GFPT2: variants seen among roughly 807,000 people sequenced by gnomAD.
GFPT2 encodes glutamine--fructose-6-phosphate transaminase 2.
GFPT2 carries 62 observed loss-of-function variants against 85.6 expected under a neutral mutation model. That is an observed-to-expected ratio of 0.72 (90% CI 0.59 to 0.90). GFPT2 has a LOEUF of 0.90. GFPT2 is among the 40% of genes least tolerant of loss of function. The pLI, the probability that GFPT2 is intolerant of heterozygous loss-of-function variation, is 0.00. For missense variants in GFPT2, 788 were observed against 893.4 expected, an observed-to-expected ratio of 0.88 and a Z score of 1.50; for synonymous variants, 368 against 344.5, an observed-to-expected ratio of 1.07 and a Z score of -0.75.
At chr5:180,345,223 G>A (rs951081694) in intron 1 of GFPT2, among the ~76,000 whole-genome samples, 1 of 152,384 alleles carries the variant, frequency 6.6e-6, no homozygotes, top group African/African-American at 2.4e-5. Flanking sequence ...TTTCATCTTG[G>A]CCTTCTGCCT....
chr5:180,329,774 A>G (rs964695174), intron 6 of GFPT2, among the ~76,000 whole-genome samples: 2 of 152,218 alleles, frequency 1.3e-5, no homozygotes, highest in Non-Finnish European at 2.9e-5. Flanking sequence ...ACTGGGTGGC[A>G]CTGCTGTCTG....
At chr5:180,309,326 G>A (rs951808501) in intron 15 of GFPT2, among the ~76,000 whole-genome samples, 2 of 152,158 alleles carry the variant, frequency 1.3e-5, no homozygotes, top group African/African-American at 4.8e-5. Flanking sequence ...TTTTCATTTT[G>A]AGAAAATGTC....
At chr5:180,314,296 G>A (rs1763960320) in intron 13 of GFPT2, among the ~76,000 whole-genome samples, 1 of 152,180 alleles carries the variant, frequency 6.6e-6, no homozygotes, top group East Asian at 1.9e-4. Context: ...AGGTGGGCTT[G>A]GCTCCCAGCG....
At chr5:180,344,722 G>A (rs930127730) in intron 1 of GFPT2, among the ~76,000 whole-genome samples, 1 of 152,176 alleles carries the variant, frequency 6.6e-6, no homozygotes, top group Non-Finnish European at 1.5e-5. Flanking sequence ...GAAGCACCAG[G>A]GCCACAATGG....
At chr5:180,336,036 C>A in intron 3 of GFPT2, 83 bp from the exon 4 acceptor site, 1 of 1,341,890 alleles carries the variant, frequency 7.5e-7, no homozygotes, top group Non-Finnish European at 1.0e-6. Flanking sequence ...TGTCGTTACC[C>A]AAGTCACGTC....
intron 4 of GFPT2, 37 bp from the exon 5 acceptor site, chr5:180,331,590 G>A (rs1244399427): frequency 5.0e-6 from 6 of 1,196,826 alleles, no homozygotes; most frequent in Middle Eastern, 1.9e-4. Context: ...CTATTGAGAA[G>A]GAGGTTCATG....
intron 6 of GFPT2, among the ~76,000 whole-genome samples, chr5:180,329,550 G>C (rs908310872): frequency 6.6e-6 from 1 of 152,220 alleles, no homozygotes; most frequent in Non-Finnish European, 1.5e-5. Flanking sequence ...CATTAAATGT[G>C]GGATAGGCTG....
At position 180,317,207 on chromosome 5, in the gene GFPT2, A is replaced by AG. The variant is rs776907897; in HGVS notation, c.959-150dup. Reference sequence around the variant, plus strand: ...CCTGCCTGACACTCACTACCATCAGAGGGAAGCAGGTCAGGAACCAGGACT... The same window carrying AG: ...CCTGCCTGACACTCACTACCATCAGAGGGGAAGCAGGTCAGGAACCAGGACT... On this transcript the variant is annotated intron_variant, in intron 10 of 18. Transcript: ENST00000253778. The AG allele has an allele frequency of 1.2e-3, 813 of 662,172 alleles. 2 individuals are homozygous for AG. Among genetic ancestry groups the AG allele is most frequent in the Non-Finnish European group, 2.0e-3 (723 of 367,190 alleles). The allele number at this position is 662,172 out of a possible 1,614,324, so 41.0% of individuals were successfully genotyped here. A position where few individuals can be genotyped will look rare whatever the true frequency, so the allele number is the denominator to read the frequency against.
At position 180,319,978 on chromosome 5, in the gene GFPT2, T is replaced by C. The variant is rs534049840; in HGVS notation, c.795-1022A>G. ...ACAAGCTATGCTTACCAAAGAAACATAGGGTCATTGTGTTTATTTATTTAT... is the reference window on the plus strand; with the variant it reads ...ACAAGCTATGCTTACCAAAGAAACACAGGGTCATTGTGTTTATTTATTTAT... On this transcript the variant is annotated intron_variant, in intron 9 of 18. Coordinates refer to ENST00000253778, the MANE Select transcript of GFPT2 (RefSeq NM_005110.4). 1.8e-4 allele frequency among the ~76,000 whole-genome samples: 27 copies of C among 152,068 alleles called. 1 individual carries two copies. In the South Asian group the frequency reaches 3.3e-3, roughly 19 times the overall value.
intron 3 of GFPT2, 149 bp from the exon 4 acceptor site, chr5:180,336,102 C>T: frequency 1.5e-6 from 1 of 651,926 alleles, no homozygotes; most frequent in South Asian, 2.1e-5. Flanking sequence ...CGCGCAGGCC[C>T]ACAAACCACC....
chr5:180,341,863 C>T (rs1333419095), intron 1 of GFPT2, among the ~76,000 whole-genome samples: 2 of 152,184 alleles, frequency 1.3e-5, no homozygotes, highest in East Asian at 3.9e-4. Context: ...AGCCCCCAAA[C>T]ATCTGGGCAT....
At chr5:180,332,855 A>T (rs892961145) in intron 4 of GFPT2, among the ~76,000 whole-genome samples, 7 of 151,978 alleles carry the variant, frequency 4.6e-5, no homozygotes, top group African/African-American at 1.7e-4. Flanking sequence ...ACTATTTTTG[A>T]TCCCTTCTTT....
At chr5:180,332,047 A>C (rs1764312239) in intron 4 of GFPT2, among the ~76,000 whole-genome samples, 1 of 152,246 alleles carries the variant, frequency 6.6e-6, no homozygotes, top group Non-Finnish European at 1.5e-5. Flanking sequence ...CTGAGTGTTC[A>C]CTTTAAAATC....
In GFPT2 at chr5:180,307,146, TGGGGGTGGGGG is replaced by T. The variant is rs1561871601; in HGVS notation, c.1674+19_1674+29del. On this transcript the variant is annotated intron_variant, in intron 16 of 18. Transcript: ENST00000253778. ...CAGGGTCTCCTGTGCCTGTCCTCCGTGGGGGTGGGGGCTGGGGGTGGGGGCTCACCAGGGCT... is the reference window on the plus strand; with the variant it reads ...CAGGGTCTCCTGTGCCTGTCCTCCGTCTGGGGGTGGGGGCTCACCAGGGCT... 1.3e-5 allele frequency: 7 copies of T among 539,512 alleles called. No homozygotes were observed. In the African/African-American group the frequency reaches 1.8e-4, roughly 14 times the overall value. 33.4% of individuals were successfully genotyped at this position (539,512 alleles called of 1,614,324 possible). A position where few individuals can be genotyped will look rare whatever the true frequency, so the allele number is the denominator to read the frequency against.
intron 17 of GFPT2, 145 bp downstream of exon 17, chr5:180,304,627 C>T: frequency 1.3e-6 from 1 of 761,712 alleles, no homozygotes; most frequent in African/African-American, 1.7e-5. Flanking sequence ...GTGTGCACTC[C>T]CCACAGGCGG....
chr5:180,319,335 C>T (rs1044415638), intron 9 of GFPT2, among the ~76,000 whole-genome samples: 1 of 152,146 alleles, frequency 6.6e-6, no homozygotes, highest in Non-Finnish European at 1.5e-5. Flanking sequence ...CTTTTTATAA[C>T]CGGTTTCTTC....
At chr5:180,301,852 A>G (rs1763678305) in intron 18 of GFPT2, among the ~76,000 whole-genome samples, 1 of 152,022 alleles carries the variant, frequency 6.6e-6, no homozygotes, top group Admixed American at 6.6e-5. Context: ...AACATGATTT[A>G]AAGAATAAGG....
chr5:180,330,783 T>A lies in GFPT2; in HGVS notation c.451A>T (p.Lys151Ter). 6.2e-7 allele frequency: 1 copy of A among 1,613,066 alleles called. No homozygotes were observed. The change falls in exon 6 of 19, where the codon AAG becomes TAG. Residue 151 changes from lysine to a stop codon, truncating the protein, a stop_gained. Transcript: ENST00000253778. LOFTEE classifies it high-confidence loss of function. This position sits in a 1 kb window ranked among gnomAD's most constrained non-coding sequence, Gnocchi z 4.4. ...ESETDTETIA[K>*]LIKYVFDNRE... ...TTGTCGAACACATATTTAATCAGCT[T>A]GGCGATGGTCTCTGTATCTGTTTCT...
intron 7 of GFPT2, 100 bp from the exon 8 acceptor site, chr5:180,324,995 C>G: frequency 1.3e-6 from 1 of 795,046 alleles, no homozygotes; most frequent in Non-Finnish European, 2.2e-6. Context: ...CTAGCCCTTT[C>G]CCAGTGGTGG....
Sources: gnomAD v4.1 joint callset for allele counts (sites outside exome capture counted in the v4.1 genomes callset) on GRCh38, gnomAD v4.1.1 for gene constraint, Gnocchi (gnomAD v3.1) non-coding constraint, MANE v1.5 for transcripts, NCBI Gene and HGNC (gene_info 2026-07-23, HGNC 2026-07-21) for gene names.